Variants in TMEM232 observed in about 807,000 individuals in gnomAD.
TMEM232 encodes transmembrane protein 232.
In TMEM232, 80 loss-of-function variants were observed where a neutral mutation model predicts 78.8. The ratio of observed to expected loss-of-function variants is 1.01; its 90% CI spans 0.85 to 1.22. The LOEUF (loss-of-function observed/expected upper bound fraction) is 1.22, where lower values mean the gene tolerates loss of function less well. Ranked by LOEUF, TMEM232 falls within the 50% of genes most tolerant of loss-of-function variation. The pLI is 0.00. For synonymous variants in TMEM232, 297 were observed against 254.3 expected, an observed-to-expected ratio of 1.17 and a Z score of -1.60; for missense variants, 881 against 742.2, an observed-to-expected ratio of 1.19 and a Z score of -2.17.
chr5:110,397,395 C>A (rs1161098036), intron 3 of TMEM232, among the ~76,000 whole-genome samples: 2 of 152,290 alleles, frequency 1.3e-5, no homozygotes, highest in Non-Finnish European at 2.9e-5. Flanking sequence ...GAAATATCAT[C>A]TCCCTATGTA....
chr5:110,668,427 C>T (rs980734951), intron 1 of TMEM232, among the ~76,000 whole-genome samples: 2 of 152,086 alleles, frequency 1.3e-5, no homozygotes, highest in African/African-American at 2.4e-5. Flanking sequence ...TCCAGTCATC[C>T]GCCTGTGCTA....
intron 2 of TMEM232, among the ~76,000 whole-genome samples, chr5:110,643,591 A>G (rs1383427766): frequency 6.6e-6 from 1 of 152,054 alleles, no homozygotes; most frequent in Non-Finnish European, 1.5e-5. Flanking sequence ...GAATCAATGA[A>G]CTGTGTTTTT....
At chr5:110,508,117 A>G (rs909198634) in intron 12 of TMEM232, among the ~76,000 whole-genome samples, 77 of 152,156 alleles carry the variant, frequency 5.1e-4, no homozygotes, top group Admixed American at 9.8e-4. Flanking sequence ...AAGGAAAAAA[A>G]ACCCCAAGGG....
intron 12 of TMEM232, among the ~76,000 whole-genome samples, chr5:110,494,659 C>A (rs938880375): frequency 6.6e-6 from 1 of 152,060 alleles, no homozygotes; most frequent in African/African-American, 2.4e-5. Context: ...GCATTCATCA[C>A]AACTTTGTTT....
chr5:110,663,892 A>C (rs1790174974), intron 2 of TMEM232, among the ~76,000 whole-genome samples: 1 of 152,120 alleles, frequency 6.6e-6, no homozygotes, highest in Non-Finnish European at 1.5e-5. Context: ...TAACCCCAGA[A>C]TTTTTGGAGG....
At chr5:110,601,725 T>A (rs551921111) in intron 10 of TMEM232, among the ~76,000 whole-genome samples, 30 of 152,148 alleles carry the variant, frequency 2.0e-4, no homozygotes, top group Admixed American at 9.2e-4. Flanking sequence ...ACTGCCCAAA[T>A]TAATTTATAG....
chr5:110,695,100 G>C (rs144689319), intron 1 of TMEM232, among the ~76,000 whole-genome samples: 5,957 of 152,220 alleles, frequency 0.039, 311 homozygotes, highest in East Asian at 0.24. Flanking sequence ...ATAACAAACT[G>C]TCTCTCAGAC....
chr5:110,647,505 G>T (rs981809413), intron 2 of TMEM232, among the ~76,000 whole-genome samples: 1 of 151,718 alleles, frequency 6.6e-6, no homozygotes, highest in African/African-American at 2.4e-5. Flanking sequence ...TTATTTTATT[G>T]TGTAAAAATA....
intron 10 of TMEM232, among the ~76,000 whole-genome samples, chr5:110,587,084 A>G (rs1488724123): frequency 6.6e-6 from 1 of 152,142 alleles, no homozygotes; most frequent in African/African-American, 2.4e-5. Flanking sequence ...TCAGTATCCA[A>G]AAAGTGACAA....
intron 12 of TMEM232, among the ~76,000 whole-genome samples, chr5:110,521,127 G>A (rs1020699560): frequency 3.3e-5 from 5 of 151,972 alleles, no homozygotes; most frequent in African/African-American, 1.2e-4. Context: ...TGCCAGCTGG[G>A]GCACTGATTC....
chr5:110,395,263 C>T (rs545165752), intron 3 of TMEM232, among the ~76,000 whole-genome samples: 33 of 152,116 alleles, frequency 2.2e-4, no homozygotes, highest in African/African-American at 7.5e-4. Context: ...CCTCAGTGGC[C>T]CCACTGCCCC....
At chr5:110,483,919 T>C (rs530040262) in intron 12 of TMEM232, among the ~76,000 whole-genome samples, 1 of 152,182 alleles carries the variant, frequency 6.6e-6, no homozygotes, top group East Asian at 1.9e-4. Flanking sequence ...TAAATGTTCA[T>C]TAACGATGGA....
At chr5:110,512,456 T>C (rs1767919442) in intron 12 of TMEM232, among the ~76,000 whole-genome samples, 1 of 152,150 alleles carries the variant, frequency 6.6e-6, no homozygotes, top group Non-Finnish European at 1.5e-5. Context: ...CCACAATGAC[T>C]TCACACAGAA....
intron 6 of TMEM232, among the ~76,000 whole-genome samples, chr5:110,626,429 G>A (rs907067146): frequency 6.6e-6 from 1 of 151,946 alleles, no homozygotes; most frequent in Non-Finnish European, 1.5e-5. Context: ...TAGGACTTAT[G>A]CTAATGGTAC....
intron 2 of TMEM232, among the ~76,000 whole-genome samples, chr5:110,652,298 A>G (rs950896003): frequency 6.9e-6 from 1 of 144,688 alleles, no homozygotes; most frequent in African/African-American, 2.6e-5. Flanking sequence ...GCGCGCGCAC[A>G]CACACACACA....
At chr5:110,709,737 T>C (rs2150308903) in intron 1 of TMEM232, among the ~76,000 whole-genome samples, 1 of 152,164 alleles carries the variant, frequency 6.6e-6, no homozygotes, top group Middle Eastern at 3.4e-3. Flanking sequence ...ATGAGAGCAG[T>C]ACTAAGAGGA....
At chr5:110,737,153 C>A (rs1799263030) in intron 1 of TMEM232, among the ~76,000 whole-genome samples, 1 of 152,052 alleles carries the variant, frequency 6.6e-6, no homozygotes, top group South Asian at 2.1e-4. Flanking sequence ...AATGCAAGCA[C>A]CTTGTCTGGC....
intron 12 of TMEM232, among the ~76,000 whole-genome samples, chr5:110,497,046 C>T (rs1227770788): frequency 1.3e-5 from 2 of 151,786 alleles, no homozygotes; most frequent in Non-Finnish European, 2.9e-5. Context: ...CTTAGTGGGT[C>T]TTAGTTTCCT....
chr5:110,467,909 A>ATACTC (rs1483688178), intron 12 of TMEM232, among the ~76,000 whole-genome samples: 2 of 144,244 alleles, frequency 1.4e-5, no homozygotes, highest in Non-Finnish European at 3.0e-5. Flanking sequence ...GGAATCTTCT[A>ATACTC]TACTCTTTGG....
Sources: gnomAD v4.1 joint callset for allele counts (sites outside exome capture counted in the v4.1 genomes callset) on GRCh38, gnomAD v4.1.1 for gene constraint, MANE v1.5 for transcripts, NCBI Gene and HGNC (gene_info 2026-07-23, HGNC 2026-07-21) for gene names.